VTI1A: variants seen among roughly 807,000 people sequenced by gnomAD.
The protein encoded by VTI1A is vesicle transport through interaction with t-SNAREs 1A.
VTI1A carries 22 observed loss-of-function variants against 34.9 expected under a neutral mutation model. That is an observed-to-expected ratio of 0.63 (90% CI 0.45 to 0.90). VTI1A has a LOEUF of 0.90. Ranked by LOEUF, VTI1A falls within the 40% of genes least tolerant of loss-of-function variation. The probability of loss-of-function intolerance (pLI) is 0.00; values close to 1 mark genes in which losing one functional copy is unlikely to be tolerated. For synonymous variants in VTI1A, 87 were observed against 97.3 expected (o/e 0.89, Z 0.62); for missense variants, 268 against 275.6 (o/e 0.97, Z 0.20).
intron 5 of VTI1A, among the ~76,000 whole-genome samples, chr10:112,552,448 A>G (rs772231256): frequency 5.0e-5 from 7 of 140,776 alleles, no homozygotes; most frequent in African/African-American, 7.4e-5. Flanking sequence ...CAACCAACCA[A>G]CAAACAAAAT....
chr10:112,671,072 A>T (rs967096503), intron 7 of VTI1A, among the ~76,000 whole-genome samples: 1 of 152,216 alleles, frequency 6.6e-6, no homozygotes, highest in East Asian at 1.9e-4. Flanking sequence ...AGGCACAAAC[A>T]TTTTGCCAAC....
the VTI1A span, among the ~76,000 whole-genome samples, chr10:112,846,803 T>C: frequency 6.7e-6 from 1 of 149,364 alleles, no homozygotes; most frequent in African/African-American, 2.5e-5. Context: ...ATATGGCCAG[T>C]GGAACTAAGG....
rs142284441 is a variant in VTI1A at position 112,734,092 on chromosome 10, A to G, written c.560+65094A>G. The stretch of plus-strand genomic sequence containing the variant: ...ACTGCTCCTGCCCCTTTCAAATGCT[A>G]TTCCTTCCCCAGTTTGTCTTTCTCA... On this transcript the variant is annotated intron_variant, in intron 7 of 7. Transcript: ENST00000393077. Among the ~76,000 whole-genome samples the G allele has an allele frequency of 4.8e-3, 728 of 151,946 alleles. 1 individual carries two copies. Among genetic ancestry groups the G allele is most frequent in the Non-Finnish European group, 8.1e-3 (550 of 67,958 alleles).
intron 5 of VTI1A, among the ~76,000 whole-genome samples, chr10:112,585,014 G>T (rs1844090211): frequency 6.6e-6 from 1 of 152,200 alleles, no homozygotes; most frequent in Non-Finnish European, 1.5e-5. Context: ...AGTAGTATCT[G>T]CATTTTGTTG....
intron 3 of VTI1A, among the ~76,000 whole-genome samples, chr10:112,497,747 G>A (rs1272953146): frequency 2.0e-5 from 3 of 152,268 alleles, no homozygotes; most frequent in East Asian, 3.9e-4. Context: ...TCAGTGTATT[G>A]AGTGACACCA....
At chr10:112,799,958 G>C (rs1372897744) in intron 7 of VTI1A, among the ~76,000 whole-genome samples, 1 of 149,002 alleles carries the variant, frequency 6.7e-6, no homozygotes, top group Non-Finnish European at 1.5e-5. Flanking sequence ...TCTGATGTTA[G>C]AGAGAGAGAG....
intron 7 of VTI1A, among the ~76,000 whole-genome samples, chr10:112,801,747 G>A (rs919913787): frequency 6.6e-6 from 1 of 152,202 alleles, no homozygotes; most frequent in African/African-American, 2.4e-5. Context: ...GAGGGATCAG[G>A]TGATCACGCA....
chr10:112,533,988 A>T (rs981796045), intron 4 of VTI1A, among the ~76,000 whole-genome samples: 13 of 151,986 alleles, frequency 8.6e-5, no homozygotes, highest in African/African-American at 3.1e-4. Context: ...ACCCAAAATT[A>T]TTGGGTTTAA....
chr10:112,545,091 C>T (rs1186149071), intron 5 of VTI1A, among the ~76,000 whole-genome samples: 1 of 152,182 alleles, frequency 6.6e-6, no homozygotes, highest in Admixed American at 6.5e-5. Flanking sequence ...AGATTTGGTC[C>T]TTTTACCAAC....
At chr10:112,613,365 A>G (rs1845392768) in intron 5 of VTI1A, among the ~76,000 whole-genome samples, 1 of 152,188 alleles carries the variant, frequency 6.6e-6, no homozygotes, top group Admixed American at 6.5e-5. Flanking sequence ...TGTAAAGAAT[A>G]TGTTTCGTTT....
chr10:112,668,082 A>T (rs1232883655), intron 5 of VTI1A, 136 bp from the exon 6 acceptor site: 1 of 626,014 alleles, frequency 1.6e-6, no homozygotes. Context: ...TTTTTCAAAT[A>T]CATGAATTGA....
At chr10:112,597,673 A>AACATAGTG (rs1282320432) in intron 5 of VTI1A, among the ~76,000 whole-genome samples, 2 of 150,008 alleles carry the variant, frequency 1.3e-5, no homozygotes, top group African/African-American at 4.9e-5. Flanking sequence ...CAGCCTGGGC[A>AACATAGTG]ACATAGTGAG....
chr10:112,854,600 C>G, the VTI1A span, among the ~76,000 whole-genome samples: 1 of 152,184 alleles, frequency 6.6e-6, no homozygotes, highest in Admixed American at 6.5e-5. Context: ...CTCATTTCCC[C>G]TCTGTTTCTC....
At chr10:112,734,513 C>T (rs1564904625) in intron 7 of VTI1A, among the ~76,000 whole-genome samples, 1 of 152,084 alleles carries the variant, frequency 6.6e-6, no homozygotes, top group Non-Finnish European at 1.5e-5. Context: ...ATCATAATAC[C>T]TATCACAGCC....
chr10:112,631,083 C>T (rs915269392), intron 5 of VTI1A, among the ~76,000 whole-genome samples: 5 of 151,816 alleles, frequency 3.3e-5, no homozygotes, highest in East Asian at 3.9e-4. Context: ...GAGCCGAGAT[C>T]GCGCCATTGC....
At chr10:112,459,415 C>T (rs953965028) in intron 1 of VTI1A, among the ~76,000 whole-genome samples, 1 of 152,178 alleles carries the variant, frequency 6.6e-6, no homozygotes, top group Non-Finnish European at 1.5e-5. Context: ...TTTGTTCTCT[C>T]TGGTTCATAT....
chr10:112,504,091 A>G (rs1465609749), intron 3 of VTI1A, among the ~76,000 whole-genome samples: 1 of 152,182 alleles, frequency 6.6e-6, no homozygotes, highest in Non-Finnish European at 1.5e-5. Context: ...AAGTTGTTCT[A>G]AAAATACAAC....
chr10:112,699,268 CG>C (rs1201753711), intron 7 of VTI1A, among the ~76,000 whole-genome samples: 11 of 152,300 alleles, frequency 7.2e-5, no homozygotes, highest in African/African-American at 2.2e-4. Flanking sequence ...ATTCCACAGA[CG>C]GTGTGGCTTA....
chr10:112,563,210 T>G (rs572524239), intron 5 of VTI1A, among the ~76,000 whole-genome samples: 1 of 152,300 alleles, frequency 6.6e-6, no homozygotes, highest in South Asian at 2.1e-4. Flanking sequence ...TTCAAGGATT[T>G]AGAGGGTCAC....
Sources: gnomAD v4.1 joint callset for allele counts (sites outside exome capture counted in the v4.1 genomes callset) on GRCh38, gnomAD v4.1.1 for gene constraint, MANE v1.5 for transcripts, NCBI Gene and HGNC (gene_info 2026-07-23, HGNC 2026-07-21) for gene names.